ADAMTS20: variants seen among roughly 807,000 people sequenced by gnomAD.
ADAMTS20 encodes ADAM metallopeptidase with thrombospondin type 1 motif 20, also known as A disintegrin and metalloproteinase with thrombospondin motifs 20.
A neutral mutation model predicts 260.1 loss-of-function variants in ADAMTS20; 225 were observed. That is an observed-to-expected ratio of 0.87 (90% CI 0.78 to 0.97). ADAMTS20 has a LOEUF of 0.97. Ranked by LOEUF, ADAMTS20 falls within the 50% of genes least tolerant of loss-of-function variation. ADAMTS20 has a pLI of 0.00. For missense variants in ADAMTS20, 2,400 were observed against 2,337.7 expected, an observed-to-expected ratio of 1.03 and a Z score of -0.55; for synonymous variants, 802 against 769.5, an observed-to-expected ratio of 1.04 and a Z score of -0.70.
intron 14 of ADAMTS20, among the ~76,000 whole-genome samples, chr12:43,451,989 T>C (rs1941872175): frequency 1.3e-5 from 2 of 152,116 alleles, no homozygotes; most frequent in Admixed American, 1.3e-4. Context: ...ATTTTCTATC[T>C]TTTTAGGAAG....
At chr12:43,518,594 T>C (rs1943029553) in intron 3 of ADAMTS20, among the ~76,000 whole-genome samples, 1 of 152,052 alleles carries the variant, frequency 6.6e-6, no homozygotes, top group African/African-American at 2.4e-5. Flanking sequence ...TCTTTAAAAA[T>C]CATTGGTATT....
chr12:43,419,007 G>T (rs1941181500), intron 28 of ADAMTS20, among the ~76,000 whole-genome samples: 1 of 152,096 alleles, frequency 6.6e-6, no homozygotes, highest in Non-Finnish European at 1.5e-5. Flanking sequence ...TTTTAAAACT[G>T]CTATAGCACA....
intron 6 of ADAMTS20, 70 bp downstream of exon 6, chr12:43,492,435 G>T: frequency 6.9e-7 from 1 of 1,454,736 alleles, no homozygotes; most frequent in Non-Finnish European, 9.3e-7. Context: ...AAAGAATTAA[G>T]AAGAAGTATC....
intron 31 of ADAMTS20, 92 bp downstream of exon 31, chr12:43,383,466 C>A (rs985985446): frequency 1.5e-6 from 2 of 1,324,906 alleles, no homozygotes; most frequent in Non-Finnish European, 1.0e-6. Context: ...CCCTCATATT[C>A]AAATTTTATA....
At chr12:43,531,800 A>C (rs758949580) in intron 3 of ADAMTS20, among the ~76,000 whole-genome samples, 11 of 152,166 alleles carry the variant, frequency 7.2e-5, no homozygotes, top group Non-Finnish European at 1.6e-4. Flanking sequence ...AAAAAGAAAA[A>C]TAAGTACATG....
rs375816321 is a variant in ADAMTS20, at chr12:43,464,685, T to C, written c.1415A>G (p.Tyr472Cys). The change falls in exon 10 of 39, where the codon TAT (tyrosine) becomes TGT (cysteine). Residue 472 changes from tyrosine (Y) to cysteine (C), a missense_variant. By Grantham distance (194) the Tyr-to-Cys change is radical (BLOSUM62 -2). Coordinates refer to ENST00000389420, the MANE Select transcript of ADAMTS20 (RefSeq NM_025003.5). Reference sequence around the variant, plus strand: ...TCCAGGAAGTTCTGAAGGCAGATTATATATTTCTTCATCTGGTTTGTCAAG... The same window carrying C: ...TCCAGGAAGTTCTGAAGGCAGATTACATATTTCTTCATCTGGTTTGTCAAG... ...CLLDKPDEEIYNLPSELPGSR... is the reference protein window; with the variant it reads ...CLLDKPDEEICNLPSELPGSR... 12 of 1,613,210 alleles carry C rather than the reference T, an allele frequency of 7.4e-6. No homozygotes were observed. Among genetic ancestry groups the C allele is most frequent in the Non-Finnish European group, 8.5e-6 (10 of 1,179,410 alleles).
chr12:43,430,029 A>C (rs1333080822), intron 23 of ADAMTS20, among the ~76,000 whole-genome samples: 1 of 152,172 alleles, frequency 6.6e-6, no homozygotes, highest in Non-Finnish European at 1.5e-5. Flanking sequence ...ACCTTAAAAA[A>C]CACAATACAC....
intron 3 of ADAMTS20, among the ~76,000 whole-genome samples, chr12:43,521,189 T>A (rs1943067085): frequency 6.6e-6 from 1 of 152,250 alleles, no homozygotes; most frequent in South Asian, 2.1e-4. Context: ...ATTCATTATC[T>A]ACTTTTGGTA....
intron 12 of ADAMTS20, 115 bp downstream of exon 12, chr12:43,453,792 T>C: frequency 8.4e-7 from 1 of 1,193,936 alleles, no homozygotes; most frequent in Non-Finnish European, 1.2e-6. Flanking sequence ...CCAGAAATTT[T>C]CTGAATCTCA....
chr12:43,493,378 A>G lies in ADAMTS20; in HGVS notation c.868-125T>C, dbSNP rs775752893. Reference sequence around the variant, plus strand: ...GCACGTAGGAATCTTGGAATCTCTTAGAGTGCTTTAACAAATCCTCATGTT... The same window carrying G: ...GCACGTAGGAATCTTGGAATCTCTTGGAGTGCTTTAACAAATCCTCATGTT... On this transcript the variant is annotated intron_variant, in intron 4 of 38. Transcript: ENST00000389420. The G allele has an allele frequency of 3.4e-3, 2,267 of 668,838 alleles. 7 individuals carry two copies. Among genetic ancestry groups the G allele is most frequent in the Non-Finnish European group, 4.4e-3 (1,739 of 398,410 alleles). 41.4% of individuals were successfully genotyped at this position (668,838 alleles called of 1,614,324 possible). A position where few individuals can be genotyped will look rare whatever the true frequency, so the allele number is the denominator to read the frequency against.
In ADAMTS20 at chr12:43,444,943, C is replaced by T. The variant is rs904043655; in HGVS notation, c.2198-1060G>A. Among the ~76,000 whole-genome samples the T allele has an allele frequency of 2.6e-5, 4 of 152,134 alleles. No homozygotes were observed. In the East Asian group the frequency reaches 5.8e-4, roughly 22 times the overall value. On this transcript the variant is annotated intron_variant, in intron 15 of 38. Transcript: ENST00000389420. ...AGTGTAAGACGATAAGAAATAGTTT[C>T]ATGATTCGGTATACACTATATGCCT...
Position 43,432,417 on chromosome 12 carries a change from T to G in ADAMTS20, c.2983A>C (p.Asn995His). ...TCAGCAAGACGATGGCCAAAGTTAT[T>G]CATACAATAAGATTCTCGAGACCTT... ...GERSRESYCM[N>H]NFGHRLADNE... The change falls in exon 21 of 39, where the codon AAT becomes CAT. Residue 995 changes from asparagine (N) to histidine (H), a missense_variant. By Grantham distance (68) the Asn-to-His change is moderately conservative. Coordinates refer to ENST00000389420, the MANE Select transcript of ADAMTS20 (RefSeq NM_025003.5). 2 of 1,613,758 alleles carry G rather than the reference T, an allele frequency of 1.2e-6. No homozygotes were observed. The highest frequency in any genetic ancestry group is 1.7e-6 in the Non-Finnish European group (2 of 1,179,834).
chr12:43,499,710 G>A (rs1942729046), intron 4 of ADAMTS20, among the ~76,000 whole-genome samples: 1 of 151,914 alleles, frequency 6.6e-6, no homozygotes, highest in Admixed American at 6.6e-5. Flanking sequence ...TCACCATGTT[G>A]GCCAGGATGG....
chr12:43,480,012 T>C (rs1317620542), intron 7 of ADAMTS20, among the ~76,000 whole-genome samples: 1 of 152,124 alleles, frequency 6.6e-6, no homozygotes, highest in Non-Finnish European at 1.5e-5. Context: ...ATGAAAATCA[T>C]TTAAGCTAAT....
chr12:43,419,241 G>A (rs1446056964), intron 28 of ADAMTS20, among the ~76,000 whole-genome samples: 1 of 151,678 alleles, frequency 6.6e-6, no homozygotes, highest in African/African-American at 2.4e-5. Context: ...ACATATATAT[G>A]GGCACATTCT....
intron 2 of ADAMTS20, among the ~76,000 whole-genome samples, chr12:43,548,355 C>T (rs1040611243): frequency 7.2e-5 from 11 of 152,044 alleles, no homozygotes; most frequent in African/African-American, 1.2e-4. Flanking sequence ...AGGAGCAGGG[C>T]CATCAGGTTA....
intron 36 of ADAMTS20, among the ~76,000 whole-genome samples, chr12:43,371,210 G>C (rs1940100406): frequency 6.6e-6 from 1 of 152,042 alleles, no homozygotes; most frequent in Non-Finnish European, 1.5e-5. Context: ...CCATGCTTTT[G>C]TTCATGCTTC....
At chr12:43,496,962 T>C (rs1002664246) in intron 4 of ADAMTS20, among the ~76,000 whole-genome samples, 3 of 152,170 alleles carry the variant, frequency 2.0e-5, no homozygotes, top group African/African-American at 7.2e-5. Flanking sequence ...GGACTAATAT[T>C]CCATTCCATA....
In ADAMTS20 at chr12:43,427,419, C is replaced by A. The variant is rs562424751; in HGVS notation, c.3996G>T (p.Gln1332His). 1 of 1,613,880 alleles carries A rather than the reference C, an allele frequency of 6.2e-7. No individual in the cohort carries two copies. Among genetic ancestry groups the A allele is most frequent in the South Asian group, 1.1e-5 (1 of 91,070 alleles). The change falls in exon 27 of 39, where the codon CAG becomes CAT. Residue 1332 changes from glutamine to histidine, a missense_variant. Transcript: ENST00000389420. ...GGLQHRAVVCQDENGQSASYC... is the reference protein window; with the variant it reads ...GGLQHRAVVCHDENGQSASYC... ...AACTAGCACTTTGTCCATTTTCATC[C>A]TGGCAGACCACAGCCCTATGCTGAA...
Sources: gnomAD v4.1 joint callset for allele counts (sites outside exome capture counted in the v4.1 genomes callset) on GRCh38, gnomAD v4.1.1 for gene constraint, MANE v1.5 for transcripts, NCBI Gene and HGNC (gene_info 2026-07-23, HGNC 2026-07-21) for gene names.